The following TUBGCP3 variants were observed in gnomAD, a reference collection of about 807,000 sequenced individuals.
TUBGCP3 encodes tubulin gamma complex component 3.
A neutral mutation model predicts 123.1 loss-of-function variants in TUBGCP3; 50 were observed. The ratio of observed to expected loss-of-function variants is 0.41; its 90% CI spans 0.32 to 0.51. TUBGCP3 has a LOEUF of 0.51. Among genes scored for constraint, TUBGCP3 ranks in the 20% least tolerant of loss-of-function variants. The probability of loss-of-function intolerance (pLI) is 0.36; values close to 1 mark genes in which losing one functional copy is unlikely to be tolerated. For missense variants in TUBGCP3, 882 were observed against 1,127.0 expected, an observed-to-expected ratio of 0.78 and a Z score of 3.11; for synonymous variants, 405 against 413.9, an observed-to-expected ratio of 0.98 and a Z score of 0.26.
In TUBGCP3 at chr13:112,499,174, AT is replaced by A. The variant is rs753986163; in HGVS notation, c.2318del (p.Asn773IlefsTer49). 6.2e-7 allele frequency: 1 copy of A among 1,608,666 alleles called. No homozygotes were observed. The highest frequency in any genetic ancestry group is 8.5e-7 in the Non-Finnish European group (1 of 1,178,038). ...LLDSDSRALL[N>X]QLRAVFDQII... The stretch of plus-strand genomic sequence containing the variant: ...TTTGATCAAACACAGCTCTAAGTTG[AT>A]TTAAAAGTGCCTGAAAGAGATGACA... On this transcript the variant is annotated frameshift_variant, in exon 20 of 22. Transcript: ENST00000261965. LOFTEE classifies it high-confidence loss of function.
In TUBGCP3 at chr13:112,519,891, G is replaced by A; in HGVS notation, c.1876C>T (p.Leu626=). ...EILRRLDVRL[L]EVSPGDTGWD... The stretch of plus-strand genomic sequence containing the variant: ...AACACGCAGAGCCGCAGTACCTCCA[G>A]CAGCCGCACGTCCAGCCTTCGCAGG... Residue 626 remains leucine, a synonymous_variant, in exon 15 of 22, where the codon CTG becomes TTG. Coordinates refer to ENST00000261965, the MANE Select transcript of TUBGCP3 (RefSeq NM_006322.6). The surrounding 1 kb of genome is among the most constrained non-coding windows in gnomAD (Gnocchi z 6.2). The A allele has an allele frequency of 4.3e-6, 7 of 1,613,278 alleles. No homozygotes were observed. The highest frequency in any genetic ancestry group is 5.9e-6 in the Non-Finnish European group (7 of 1,179,478).
intron 8 of TUBGCP3, among the ~76,000 whole-genome samples, chr13:112,549,251 C>G (rs766188579): frequency 2.0e-5 from 3 of 151,668 alleles, no homozygotes; most frequent in Non-Finnish European, 4.4e-5. Context: ...AACAAAACAC[C>G]GCATGTTCTC....
intron 8 of TUBGCP3, among the ~76,000 whole-genome samples, chr13:112,549,494 T>A (rs190912651): frequency 2.2e-4 from 33 of 151,938 alleles, no homozygotes; most frequent in Admixed American, 1.9e-3. Context: ...AATAAAAAAA[T>A]TAATTAATTA....
Position 112,547,751 on chromosome 13 carries a change from A to G in TUBGCP3, c.1037T>C (p.Leu346Pro). The change falls in exon 10 of 22, where the codon CTA becomes CCA. Residue 346 changes from leucine (L) to proline (P), a missense_variant and splice_region_variant. By Grantham distance (98) the Leu-to-Pro change is moderately conservative. Coordinates refer to ENST00000261965, the MANE Select transcript of TUBGCP3 (RefSeq NM_006322.6). ...YRLLSVLHSQLQLEDDQGVNL... is the reference protein window; with the variant it reads ...YRLLSVLHSQPQLEDDQGVNL... ...CACACCCTGGTCATCCTCTAGTTGT[A>G]GCTAAAAAACAATAAAGATAGAAAT... is the stretch of plus-strand genomic sequence containing the variant. 1 of 1,475,890 alleles carries G rather than the reference A, an allele frequency of 6.8e-7. No individual in the cohort carries two copies. The highest frequency in any genetic ancestry group is 9.0e-7 in the Non-Finnish European group (1 of 1,109,362). 91.4% of individuals were successfully genotyped at this position (1,475,890 alleles called of 1,614,324 possible). A position where few individuals can be genotyped will look rare whatever the true frequency, so the allele number is the denominator to read the frequency against.
At chr13:112,585,444 T>G (rs1027442261) in intron 1 of TUBGCP3, among the ~76,000 whole-genome samples, 4 of 152,130 alleles carry the variant, frequency 2.6e-5, no homozygotes, top group Admixed American at 2.6e-4. Context: ...AGCATCACCT[T>G]TAATGGACTT....
intron 19 of TUBGCP3, among the ~76,000 whole-genome samples, chr13:112,503,487 T>C (rs1887650): frequency 6.6e-6 from 1 of 151,998 alleles, no homozygotes; most frequent in Non-Finnish European, 1.5e-5. Flanking sequence ...CTCCTGTCTC[T>C]GCCTCCCAAG....
chr13:112,572,309 C>T (rs113099422), intron 1 of TUBGCP3, among the ~76,000 whole-genome samples: 1 of 152,232 alleles, frequency 6.6e-6, no homozygotes, highest in South Asian at 2.1e-4. Flanking sequence ...ATGTGCAGAA[C>T]GTGCAGGTTT....
chr13:112,571,055 A>G (rs1033542491), intron 1 of TUBGCP3, among the ~76,000 whole-genome samples: 3 of 152,066 alleles, frequency 2.0e-5, no homozygotes, highest in East Asian at 1.9e-4. Context: ...TCCTTCCTCC[A>G]CTGAAGGCTT....
chr13:112,558,527 G>C, intron 4 of TUBGCP3, 114 bp from the exon 5 acceptor site: 1 of 900,828 alleles, frequency 1.1e-6, no homozygotes, highest in Non-Finnish European at 1.6e-6. Context: ...CTGGATTTGG[G>C]TTCCATACTT....
chr13:112,491,897 GCTT>G (rs963673830), intron 20 of TUBGCP3, among the ~76,000 whole-genome samples: 5 of 152,236 alleles, frequency 3.3e-5, no homozygotes, highest in African/African-American at 4.8e-5. Context: ...CTACTGAGGA[GCTT>G]TTTCTTTCAT....
chr13:112,539,713 T>C (rs1358088951), intron 11 of TUBGCP3, among the ~76,000 whole-genome samples: 3 of 152,226 alleles, frequency 2.0e-5, no homozygotes, highest in Admixed American at 1.3e-4. Flanking sequence ...ATGACATCAT[T>C]GTAGTAGCCT....
rs147550942 is a variant in TUBGCP3 at position 112,515,379 on chromosome 13, G to A, written c.2086+1061C>T. On this transcript the variant is annotated intron_variant, in intron 17 of 21. Transcript: ENST00000261965. ...GGGCAGCCAGGAACCGATCTACCTG[G>A]TGGTATTCATAAGAACACAGGGGGA... 2.0e-3 allele frequency among the ~76,000 whole-genome samples: 305 copies of A among 152,256 alleles called. 3 individuals carry two copies. Among genetic ancestry groups the A allele is most frequent in the African/African-American group, 6.7e-3 (279 of 41,552 alleles).
At chr13:112,525,231 A>G (rs1876951382) in intron 13 of TUBGCP3, among the ~76,000 whole-genome samples, 1 of 152,194 alleles carries the variant, frequency 6.6e-6, no homozygotes, top group Non-Finnish European at 1.5e-5. Flanking sequence ...ACTTCCATGC[A>G]CATTATTCCT....
chr13:112,516,213 T>C (rs978225230), intron 17 of TUBGCP3, among the ~76,000 whole-genome samples: 1 of 152,342 alleles, frequency 6.6e-6, no homozygotes, highest in Middle Eastern at 3.4e-3. Context: ...AGTCAGTGAT[T>C]TATTAAACTG....
In TUBGCP3 at chr13:112,547,674, A is replaced by G; in HGVS notation, c.1114T>C (p.Tyr372His). ...LTLRRLLVWT[Y>H]DPKIRLKTLA... is the part of the protein sequence containing the mutation. Reference sequence around the variant, plus strand: ...GTCTTCAGTCGTATTTTGGGATCATAGGTCCAAACCAGGAGGCGCCGAAGT... The same window carrying G: ...GTCTTCAGTCGTATTTTGGGATCATGGGTCCAAACCAGGAGGCGCCGAAGT... Residue 372 changes from tyrosine (Y) to histidine (H), a missense_variant, in exon 10 of 22, where the codon TAT (tyrosine) becomes CAT (histidine). Transcript: ENST00000261965. The G allele has an allele frequency of 1.3e-6, 2 of 1,588,168 alleles. No individual in the cohort carries two copies. The highest frequency in any genetic ancestry group is 1.1e-5 in the South Asian group (1 of 88,116).
At chr13:112,532,163 A>T (rs1329842882) in intron 11 of TUBGCP3, among the ~76,000 whole-genome samples, 1 of 152,222 alleles carries the variant, frequency 6.6e-6, no homozygotes, top group African/African-American at 2.4e-5. Context: ...TGGCAACCGG[A>T]CCAGGGGAAT....
chr13:112,587,993 C>A lies in TUBGCP3; in HGVS notation c.-13G>T. ...CCGGGGTCGCCATCCTCGCCCGGAG[C>A]CGTGCACGGTGGTCCGGGCAGAGCC... On this transcript the variant is annotated 5_prime_UTR_variant, in exon 1 of 22. Transcript: ENST00000261965. 1 of 1,556,728 alleles carries A rather than the reference C, an allele frequency of 6.4e-7. No individual in the cohort carries two copies. The highest frequency in any genetic ancestry group is 1.8e-5 in the Admixed American group (1 of 54,348).
chr13:112,501,877 G>A (rs778682051), intron 19 of TUBGCP3, among the ~76,000 whole-genome samples: 1 of 152,090 alleles, frequency 6.6e-6, no homozygotes, highest in Admixed American at 6.6e-5. Flanking sequence ...CCCCGGATAG[G>A]GTTCTTACCA....
chr13:112,555,597 A>G (rs1041184622), intron 6 of TUBGCP3, among the ~76,000 whole-genome samples: 11 of 152,294 alleles, frequency 7.2e-5, no homozygotes, highest in African/African-American at 2.6e-4. Flanking sequence ...TTCCTCAATG[A>G]CTCTCTTCGA....
Sources: allele counts gnomAD v4.1 joint callset (sites outside exome capture counted in the v4.1 genomes callset), GRCh38; gene constraint gnomAD v4.1.1; non-coding constraint Gnocchi (gnomAD v3.1); transcripts MANE v1.5; gene names NCBI Gene and HGNC (gene_info 2026-07-23, HGNC 2026-07-21).